Variants in PKNOX2 observed in about 807,000 individuals in gnomAD.
PKNOX2 encodes the protein PBX/knotted 1 homeobox 2.
In PKNOX2, 14 loss-of-function variants were observed where a neutral mutation model predicts 53.1. The ratio of observed to expected loss-of-function variants is 0.26; its 90% CI spans 0.17 to 0.41. The LOEUF is 0.41. Ranked by LOEUF, PKNOX2 falls within the 10% of genes least tolerant of loss-of-function variation. The pLI is 1.00. For synonymous variants in PKNOX2, 257 were observed against 242.8 expected, an observed-to-expected ratio of 1.06 and a Z score of -0.54; for missense variants, 496 against 602.8, an observed-to-expected ratio of 0.82 and a Z score of 1.85.
chr11:125,348,440 C>T (rs1951111648), intron 3 of PKNOX2, among the ~76,000 whole-genome samples: 1 of 152,234 alleles, frequency 6.6e-6, no homozygotes, highest in Non-Finnish European at 1.5e-5. Flanking sequence ...GGGGCAGTGG[C>T]CTAGTGGCCT....
chr11:125,287,968 G>C (rs1182610286), intron 2 of PKNOX2: 1 of 152,146 alleles, frequency 6.6e-6, no homozygotes, highest in Non-Finnish European at 1.5e-5. Flanking sequence ...GGGGGCAGAG[G>C]GTTGCTCCCA....
intron 2 of PKNOX2, among the ~76,000 whole-genome samples, chr11:125,329,460 A>G (rs1373162960): frequency 1.3e-5 from 2 of 152,386 alleles, no homozygotes; most frequent in South Asian, 2.1e-4. Flanking sequence ...GATATTACAC[A>G]TGAAAGTACT....
At chr11:125,412,719 G>T (rs1955636830) in intron 10 of PKNOX2, among the ~76,000 whole-genome samples, 1 of 152,150 alleles carries the variant, frequency 6.6e-6, no homozygotes, top group African/African-American at 2.4e-5. Flanking sequence ...TCCTGCCCTG[G>T]CATGTCAGGA....
chr11:125,236,030 C>T (rs968524867), intron 2 of PKNOX2, among the ~76,000 whole-genome samples: 3 of 152,220 alleles, frequency 2.0e-5, no homozygotes, highest in Non-Finnish European at 4.4e-5. Context: ...TTTGATAGTA[C>T]GTTGGCTTCC....
intron 5 of PKNOX2, among the ~76,000 whole-genome samples, chr11:125,381,171 C>T (rs917494214): frequency 2.8e-4 from 42 of 152,218 alleles, no homozygotes; most frequent in African/African-American, 8.7e-4. Flanking sequence ...GCCACAGGCG[C>T]CCCGCTGACC....
chr11:125,331,403 A>G (rs1388425228), intron 2 of PKNOX2, among the ~76,000 whole-genome samples: 1 of 147,334 alleles, frequency 6.8e-6, no homozygotes, highest in Non-Finnish European at 1.5e-5. Flanking sequence ...TCTGCAACTT[A>G]TCCACACTCC....
chr11:125,413,337 A>C (rs1591563661), intron 10 of PKNOX2, among the ~76,000 whole-genome samples: 1 of 152,188 alleles, frequency 6.6e-6, no homozygotes, highest in African/African-American at 2.4e-5. Flanking sequence ...TGGAGTGCAC[A>C]GGGGGAACGC....
At chr11:125,397,149 G>A (rs1409482135) in intron 6 of PKNOX2, among the ~76,000 whole-genome samples, 1 of 152,182 alleles carries the variant, frequency 6.6e-6, no homozygotes, top group Non-Finnish European at 1.5e-5. Context: ...ATTTGAAGAG[G>A]CAGCAGGCTC....
At chr11:125,421,294 C>G (rs1428370446) in intron 10 of PKNOX2, among the ~76,000 whole-genome samples, 1 of 152,160 alleles carries the variant, frequency 6.6e-6, no homozygotes, top group South Asian at 2.1e-4. Flanking sequence ...GGTTCTTTGA[C>G]AATCATCTTC....
intron 2 of PKNOX2, among the ~76,000 whole-genome samples, chr11:125,313,361 C>T (rs191887502): frequency 6.1e-4 from 93 of 152,282 alleles, no homozygotes; most frequent in Non-Finnish European, 7.4e-4. Flanking sequence ...TCATTCAGTT[C>T]TGCATCTGAA....
At position 125,398,005 on chromosome 11, in the gene PKNOX2, G is replaced by A. The variant is rs143626805; in HGVS notation, c.531G>A (p.Arg177=). Residue 177 remains arginine, a synonymous_variant, in exon 7 of 13, where the codon AGG becomes AGA. Transcript: ENST00000298282. The stretch of plus-strand genomic sequence containing the variant: ...AGATGCACAGCGACAACCTGCTCAG[G>A]AATGATCTAGGGGGGCCCTACTCCC... The part of the protein sequence containing the change: ...KTKMHSDNLL[R]NDLGGPYSPN... 6.2e-7 allele frequency: 1 copy of A among 1,614,082 alleles called. No individual in the cohort carries two copies. Among genetic ancestry groups the A allele is most frequent in the African/African-American group, 1.3e-5 (1 of 75,038 alleles).
chr11:125,318,521 G>A (rs183232597), intron 2 of PKNOX2, among the ~76,000 whole-genome samples: 3 of 152,258 alleles, frequency 2.0e-5, no homozygotes, highest in Admixed American at 2.0e-4. Context: ...AGAGAATGTT[G>A]TGTTTGGTTT....
intron 1 of PKNOX2, among the ~76,000 whole-genome samples, chr11:125,202,616 G>A (rs769953214): frequency 2.0e-4 from 31 of 152,078 alleles, no homozygotes; most frequent in Non-Finnish European, 3.4e-4. Flanking sequence ...AGGGGACACC[G>A]AGGGATGTCT....
chr11:125,378,847 C>G (rs1319332556), intron 5 of PKNOX2, among the ~76,000 whole-genome samples: 1 of 152,176 alleles, frequency 6.6e-6, no homozygotes, highest in Non-Finnish European at 1.5e-5. Context: ...GTCTGCATAT[C>G]CACTCTCTGG....
Position 125,423,708 on chromosome 11 carries a change from T to C in PKNOX2, c.937-5304T>C, listed in dbSNP as rs546135757. Reference sequence around the variant, plus strand: ...CTACACAGACCCAAAGCCCCTGTAGTAGGAAGAATCCTAGATAGGGCAAGT... The same window carrying C: ...CTACACAGACCCAAAGCCCCTGTAGCAGGAAGAATCCTAGATAGGGCAAGT... On this transcript the variant is annotated intron_variant, in intron 10 of 12. Coordinates refer to ENST00000298282, the MANE Select transcript of PKNOX2 (RefSeq NM_001382323.2). 2.6e-5 allele frequency among the ~76,000 whole-genome samples: 4 copies of C among 152,238 alleles called. No individual in the cohort carries two copies. In the East Asian group the frequency reaches 7.7e-4, roughly 29 times the overall value.
At chr11:125,236,028 T>C (rs1292276224) in intron 2 of PKNOX2, among the ~76,000 whole-genome samples, 1 of 152,232 alleles carries the variant, frequency 6.6e-6, no homozygotes, top group East Asian at 1.9e-4. Flanking sequence ...ACTTTGATAG[T>C]ACGTTGGCTT....
intron 4 of PKNOX2, among the ~76,000 whole-genome samples, chr11:125,362,475 G>A (rs1244686355): frequency 6.6e-6 from 1 of 152,140 alleles, no homozygotes; most frequent in African/African-American, 2.4e-5. Context: ...CTGGACTCAA[G>A]CAATCCTCCT....
intron 2 of PKNOX2, among the ~76,000 whole-genome samples, chr11:125,270,165 T>C (rs2135786098): frequency 6.6e-6 from 1 of 152,364 alleles, no homozygotes; most frequent in African/African-American, 2.4e-5. Flanking sequence ...TCAGTGTTCC[T>C]GGATTTACCA....
At chr11:125,317,996 T>C (rs538555607) in intron 2 of PKNOX2, among the ~76,000 whole-genome samples, 3 of 152,262 alleles carry the variant, frequency 2.0e-5, no homozygotes, top group Non-Finnish European at 4.4e-5. Flanking sequence ...GATAACTTGA[T>C]GCAGCTTCTA....
Sources: gnomAD v4.1 joint callset for allele counts (sites outside exome capture counted in the v4.1 genomes callset) on GRCh38, gnomAD v4.1.1 for gene constraint, MANE v1.5 for transcripts, NCBI Gene and HGNC (gene_info 2026-07-23, HGNC 2026-07-21) for gene names.